The following IQSEC1 variants were observed in gnomAD, a reference collection of about 807,000 sequenced individuals.
IQSEC1 encodes IQ motif and Sec7 domain ArfGEF 1, also known as IQ motif and SEC7 domain-containing protein 1.
A neutral mutation model predicts 91.0 loss-of-function variants in IQSEC1; 31 were observed. That is an observed-to-expected ratio of 0.34 (90% confidence interval 0.26 to 0.46). IQSEC1 has a LOEUF of 0.46. Among genes scored for constraint, IQSEC1 ranks in the 20% least tolerant of loss-of-function variants. IQSEC1 has a pLI of 1.00. For synonymous variants in IQSEC1, 699 were observed against 662.6 expected (o/e 1.05, Z -0.84); for missense variants, 1,388 against 1,575.6 (o/e 0.88, Z 2.02).
intron 1 of IQSEC1, among the ~76,000 whole-genome samples, chr3:13,060,299 TG>T (rs1705021177): frequency 6.6e-6 from 1 of 152,014 alleles, no homozygotes; most frequent in South Asian, 2.1e-4. Context: ...AGGAGGCAGA[TG>T]TGGCTGAAAG....
intron 1 of IQSEC1, among the ~76,000 whole-genome samples, chr3:13,200,155 C>CCACA (rs113097366): frequency 0.14 from 20,926 of 151,312 alleles, 3,171 homozygotes; most frequent in African/African-American, 0.37. Flanking sequence ...TGCACACACA[C>CCACA]CAAACACACA....
At chr3:13,022,228 A>T in intron 1 of IQSEC1, 1 of 1,228,220 alleles carries the variant, frequency 8.1e-7, no homozygotes, top group Non-Finnish European at 1.0e-6. Flanking sequence ...TCATGGTAGG[A>T]AGAAGAAAGA....
At chr3:13,006,389 G>A (rs908951326) in intron 1 of IQSEC1, among the ~76,000 whole-genome samples, 6 of 152,182 alleles carry the variant, frequency 3.9e-5, no homozygotes, top group Non-Finnish European at 7.3e-5. Flanking sequence ...CTGCCATTGT[G>A]GGGGCCATGT....
chr3:13,275,868 G>A (rs1695668741), intron 1 of IQSEC1, among the ~76,000 whole-genome samples: 1 of 152,210 alleles, frequency 6.6e-6, no homozygotes, highest in Admixed American at 6.5e-5. Flanking sequence ...CGGCTCCTGG[G>A]CCACAGCAGG....
At chr3:13,104,196 T>C (rs1706108396) in intron 2 of IQSEC1, among the ~76,000 whole-genome samples, 1 of 152,152 alleles carries the variant, frequency 6.6e-6, no homozygotes, top group African/African-American at 2.4e-5. Flanking sequence ...AAACATAGCA[T>C]GTTTGCTGAG....
intron 1 of IQSEC1, among the ~76,000 whole-genome samples, chr3:13,272,458 T>C (rs369795387): frequency 6.6e-6 from 1 of 152,314 alleles, no homozygotes; most frequent in African/African-American, 2.4e-5. Context: ...TGCAGGATCG[T>C]CTGGTGAAAG....
In IQSEC1 at chr3:13,105,068, C is replaced by T. The variant is rs979507333; in HGVS notation, c.303-57546G>A. Among the ~76,000 whole-genome samples the T allele has an allele frequency of 2.0e-5, 3 of 152,256 alleles. No individual in the cohort carries two copies. In the South Asian group the frequency reaches 6.2e-4, roughly 32 times the overall value. On this transcript the variant is annotated intron_variant, in intron 2 of 15. Transcript: ENST00000648114. ...ATGCTGCAGGCCAGGGGCAGTCTGTCGGCTGCTAGTTTGTGACTTCTGCCC... is the reference window on the plus strand; with the variant it reads ...ATGCTGCAGGCCAGGGGCAGTCTGTTGGCTGCTAGTTTGTGACTTCTGCCC...
At chr3:13,236,824 C>A (rs1040158569) in intron 1 of IQSEC1, among the ~76,000 whole-genome samples, 1 of 152,252 alleles carries the variant, frequency 6.6e-6, no homozygotes, top group South Asian at 2.1e-4. Flanking sequence ...CCTCTGGTCA[C>A]CCCATGCAGC....
intron 1 of IQSEC1, among the ~76,000 whole-genome samples, chr3:12,966,023 A>G (rs1377835613): frequency 1.3e-5 from 2 of 152,214 alleles, no homozygotes; most frequent in Non-Finnish European, 2.9e-5. Flanking sequence ...CTCTCCTGCA[A>G]TATGAGGATG....
chr3:13,083,758 G>A (rs140696229), intron 2 of IQSEC1, among the ~76,000 whole-genome samples: 5 of 152,386 alleles, frequency 3.3e-5, no homozygotes, highest in African/African-American at 1.2e-4. Flanking sequence ...TAGCTGGGAC[G>A]GCACCTGGCA....
chr3:12,950,553 T>G (rs530113192), intron 1 of IQSEC1, among the ~76,000 whole-genome samples: 65 of 152,006 alleles, frequency 4.3e-4, no homozygotes, highest in African/African-American at 1.5e-3. Flanking sequence ...GTGTCTGTAG[T>G]CCCGGTGCTT....
chr3:13,224,144 AG>A (rs1201569222), intron 1 of IQSEC1, among the ~76,000 whole-genome samples: 1 of 152,120 alleles, frequency 6.6e-6, no homozygotes, highest in Non-Finnish European at 1.5e-5. Flanking sequence ...TACACAATCC[AG>A]GGCCGGTGCA....
intron 1 of IQSEC1, among the ~76,000 whole-genome samples, chr3:13,265,710 T>G (rs1340032044): frequency 6.6e-6 from 1 of 151,912 alleles, no homozygotes; most frequent in African/African-American, 2.4e-5. Flanking sequence ...ACATCCTCAT[T>G]CCAGCCAACA....
rs1314199537 is a variant in IQSEC1, at chr3:13,230,299, T to C, written c.272+52412A>G. 9.3e-5 allele frequency among the ~76,000 whole-genome samples: 8 copies of C among 86,304 alleles called. No individual in the cohort carries two copies. The East Asian group carries it at 5.8e-3, about 62-fold the overall frequency. 56.6% of individuals were successfully genotyped at this position (86,304 alleles called of 152,430 possible). On this transcript the variant is annotated intron_variant, in intron 1 of 15. Transcript: ENST00000648114. ...ATCAGGACTGTAAGGTGGATGCCTA[T>C]GATTTCCCCTCAAACGCTCACAAAA...
intron 1 of IQSEC1, among the ~76,000 whole-genome samples, chr3:12,977,765 G>A (rs1271211636): frequency 2.0e-5 from 3 of 152,210 alleles, no homozygotes; most frequent in South Asian, 2.1e-4. Context: ...AATCAACAGC[G>A]TCTCCTAAGT....
chr3:13,017,891 C>T (rs1262920578), intron 1 of IQSEC1, among the ~76,000 whole-genome samples: 1 of 152,118 alleles, frequency 6.6e-6, no homozygotes, highest in Non-Finnish European at 1.5e-5. Context: ...GACCTCCTGC[C>T]CATCCCAAAC....
Position 12,900,393 on chromosome 3 carries a change from G to T in IQSEC1, c.*590C>A. 1.0e-6 allele frequency: 1 copy of T among 984,476 alleles called. No individual in the cohort carries two copies. Among genetic ancestry groups the T allele is most frequent in the African/African-American group, 1.8e-5 (1 of 57,096 alleles). 61.0% of individuals were successfully genotyped at this position (984,476 alleles called of 1,614,324 possible). A position where few individuals can be genotyped will look rare whatever the true frequency, so the allele number is the denominator to read the frequency against. On this transcript the variant is annotated 3_prime_UTR_variant, in exon 14 of 14. Transcript: ENST00000613206. Reference sequence around the variant, plus strand: ...AGGTAAGTGGAGCTCCTTGTAAGGTGGGTATTGCTAATGTGGACTGAAACG... The same window carrying T: ...AGGTAAGTGGAGCTCCTTGTAAGGTTGGTATTGCTAATGTGGACTGAAACG...
At chr3:13,058,451 T>C (rs920391360) in intron 1 of IQSEC1, among the ~76,000 whole-genome samples, 1 of 152,172 alleles carries the variant, frequency 6.6e-6, no homozygotes, top group African/African-American at 2.4e-5. Context: ...CCAAACATCC[T>C]TGGGGGCAGG....
At chr3:13,173,422 C>T (rs1391143968) in intron 1 of IQSEC1, among the ~76,000 whole-genome samples, 1 of 152,238 alleles carries the variant, frequency 6.6e-6, no homozygotes, top group African/African-American at 2.4e-5. Flanking sequence ...TTGCTCCCTG[C>T]ACCAGCCCTG....
Sources: allele counts gnomAD v4.1 joint callset (sites outside exome capture counted in the v4.1 genomes callset), GRCh38; gene constraint gnomAD v4.1.1; transcripts MANE v1.5; gene names NCBI Gene and HGNC (gene_info 2026-07-23, HGNC 2026-07-21).